The following ARHGAP42 variants were observed in gnomAD, a reference collection of about 807,000 sequenced individuals.
The protein encoded by ARHGAP42 is rho GTPase-activating protein 42.
In ARHGAP42, 63 loss-of-function variants were observed where a neutral mutation model predicts 125.0. The ratio of observed to expected loss-of-function variants is 0.50; its 90% CI spans 0.41 to 0.62. The LOEUF (loss-of-function observed/expected upper bound fraction) is 0.62, where lower values mean the gene tolerates loss of function less well. ARHGAP42 is among the 20% of genes least tolerant of loss of function. The probability of loss-of-function intolerance (pLI) is 0.00; values close to 1 mark genes in which losing one functional copy is unlikely to be tolerated. For synonymous variants in ARHGAP42, 339 were observed against 351.0 expected, an observed-to-expected ratio of 0.97 and a Z score of 0.38; for missense variants, 766 against 1,024.2, an observed-to-expected ratio of 0.75 and a Z score of 3.44.
chr11:100,862,684 G>A (rs1437995160), intron 4 of ARHGAP42, among the ~76,000 whole-genome samples: 1 of 152,118 alleles, frequency 6.6e-6, no homozygotes, highest in African/African-American at 2.4e-5. Flanking sequence ...GTACTAAATT[G>A]TTTCTAAGCT....
At chr11:100,811,143 A>G (rs1864132214) in intron 3 of ARHGAP42, among the ~76,000 whole-genome samples, 1 of 152,068 alleles carries the variant, frequency 6.6e-6, no homozygotes, top group African/African-American at 2.4e-5. Flanking sequence ...TTAAGTAGAG[A>G]TGGGGTTTGA....
At chr11:100,776,588 C>T (rs1051922985) in intron 2 of ARHGAP42, among the ~76,000 whole-genome samples, 3 of 152,108 alleles carry the variant, frequency 2.0e-5, no homozygotes, top group Admixed American at 6.5e-5. Context: ...TTAACAATCC[C>T]CCAGCTATTT....
rs571600586 is a variant in ARHGAP42 at position 100,748,407 on chromosome 11, T to A, written c.155-21936T>A. On this transcript the variant is annotated intron_variant, in intron 1 of 23. Transcript: ENST00000298815. ...TGTCCTGAAGGGAGTTCCTCGTAGG[T>A]CTGGTTGGACCTTTGTATGGTAATG... Among the ~76,000 whole-genome samples the A allele has an allele frequency of 3.3e-5, 5 of 151,236 alleles. No individual in the cohort carries two copies. In the East Asian group the frequency reaches 9.6e-4, roughly 29 times the overall value.
At chr11:100,738,980 A>G (rs1442909861) in intron 1 of ARHGAP42, among the ~76,000 whole-genome samples, 1 of 152,214 alleles carries the variant, frequency 6.6e-6, no homozygotes. Context: ...CATGTATTTC[A>G]GAACTTAGGA....
intron 1 of ARHGAP42, among the ~76,000 whole-genome samples, chr11:100,742,357 C>CTG (rs10686612): frequency 0.54 from 81,793 of 151,664 alleles, 22,564 homozygotes; most frequent in African/African-American, 0.68. Context: ...TATTCAGTGA[C>CTG]TAATTGATTT....
At chr11:100,958,540 T>C (rs74645716) in intron 12 of ARHGAP42, among the ~76,000 whole-genome samples, 1 of 151,706 alleles carries the variant, frequency 6.6e-6, no homozygotes, top group East Asian at 1.9e-4. Context: ...CACATATATA[T>C]ACACACATAT....
At chr11:100,885,853 G>A (rs988365249) in intron 4 of ARHGAP42, among the ~76,000 whole-genome samples, 2 of 152,272 alleles carry the variant, frequency 1.3e-5, no homozygotes, top group East Asian at 3.9e-4. Context: ...GGTAGACAGA[G>A]GTTGAATTAC....
chr11:100,953,091 C>A (rs1380542428), intron 12 of ARHGAP42, among the ~76,000 whole-genome samples: 2 of 151,904 alleles, frequency 1.3e-5, no homozygotes, highest in Non-Finnish European at 2.9e-5. Flanking sequence ...TTTTGTCAGG[C>A]GCTCTAACCA....
rs532773323 is a variant in ARHGAP42, at chr11:100,993,492, T to C, written c.*4691T>C. 56 of 167,136 alleles carry C rather than the reference T, an allele frequency of 3.4e-4. No individual in the cohort carries two copies. Among genetic ancestry groups the C allele is most frequent in the African/African-American group, 1.3e-3 (56 of 41,560 alleles). 10.4% of individuals were successfully genotyped at this position (167,136 alleles called of 1,614,324 possible). The stretch of plus-strand genomic sequence containing the variant: ...CATGATTGATGCTTAAAATCCAATA[T>C]ACCACCACATATCAAAGGTTGGGAT... On this transcript the variant is annotated 3_prime_UTR_variant, in exon 24 of 24. Coordinates refer to ENST00000298815, the MANE Select transcript of ARHGAP42 (RefSeq NM_152432.4).
At chr11:100,842,405 T>G (rs1425576544) in intron 3 of ARHGAP42, among the ~76,000 whole-genome samples, 2 of 152,184 alleles carry the variant, frequency 1.3e-5, no homozygotes, top group East Asian at 3.9e-4. Context: ...ATTACTTCTC[T>G]CATTAAACCA....
chr11:100,741,193 G>A (rs1415483250), intron 1 of ARHGAP42, among the ~76,000 whole-genome samples: 2 of 152,042 alleles, frequency 1.3e-5, no homozygotes, highest in African/African-American at 4.8e-5. Flanking sequence ...ACCACGCCTG[G>A]CTAATTTTTG....
At chr11:100,985,373 C>T (rs1858647887) in intron 22 of ARHGAP42, among the ~76,000 whole-genome samples, 3 of 151,976 alleles carry the variant, frequency 2.0e-5, no homozygotes, top group Admixed American at 1.3e-4. Context: ...AAAAATATTT[C>T]CTTTTTTTTA....
At position 100,717,132 on chromosome 11, in the gene ARHGAP42, A is replaced by G. The variant is rs530742456; in HGVS notation, c.154+29300A>G. On this transcript the variant is annotated intron_variant, in intron 1 of 23. Transcript: ENST00000298815. ...TTGGTTTTGTTTCATGCAAGAAGGG[A>G]AGGAGTGATAATTCAAACTTGATGT... 1.9e-4 allele frequency among the ~76,000 whole-genome samples: 29 copies of G among 152,248 alleles called. No homozygotes were observed. The South Asian group carries it at 5.2e-3, about 27-fold the overall frequency.
intron 4 of ARHGAP42, among the ~76,000 whole-genome samples, chr11:100,869,504 C>T (rs1166203081): frequency 6.6e-6 from 1 of 151,262 alleles, no homozygotes; most frequent in Non-Finnish European, 1.5e-5. Context: ...AATGGAGAAA[C>T]AAACCAAATG....
At chr11:100,796,798 C>T (rs189890209) in intron 3 of ARHGAP42, among the ~76,000 whole-genome samples, 41 of 132,934 alleles carry the variant, frequency 3.1e-4, no homozygotes, top group African/African-American at 1.2e-3. Context: ...CAGACAGAGT[C>T]TCACTCTGTC....
chr11:100,807,599 A>G (rs1864028771), intron 3 of ARHGAP42, among the ~76,000 whole-genome samples: 1 of 152,170 alleles, frequency 6.6e-6, no homozygotes. Flanking sequence ...ACCACACTTT[A>G]CATATAGGAC....
chr11:100,791,606 T>C (rs551627902), intron 2 of ARHGAP42, among the ~76,000 whole-genome samples: 4 of 151,982 alleles, frequency 2.6e-5, no homozygotes, highest in African/African-American at 7.2e-5. Context: ...CCAAGAAATA[T>C]GTCCTTTTCT....
At chr11:100,937,947 T>C (rs1431106487) in intron 8 of ARHGAP42, among the ~76,000 whole-genome samples, 1 of 152,104 alleles carries the variant, frequency 6.6e-6, no homozygotes, top group African/African-American at 2.4e-5. Flanking sequence ...AAGCGCAGTG[T>C]TTTATGCGCT....
intron 1 of ARHGAP42, among the ~76,000 whole-genome samples, chr11:100,719,916 C>T (rs117987821): frequency 8.5e-5 from 13 of 152,294 alleles, no homozygotes; most frequent in Non-Finnish European, 1.8e-4. Context: ...GGCAGTTTTC[C>T]AGGCTGTAGT....
Sources: gnomAD v4.1 joint callset for allele counts (sites outside exome capture counted in the v4.1 genomes callset) on GRCh38, gnomAD v4.1.1 for gene constraint, MANE v1.5 for transcripts, NCBI Gene and HGNC (gene_info 2026-07-23, HGNC 2026-07-21) for gene names.